SLC28A3: variants seen among roughly 807,000 people sequenced by gnomAD.
SLC28A3 encodes concentrative Na(+)-nucleoside cotransporter 3.
Under a neutral mutation model 84.2 loss-of-function variants are expected in SLC28A3, and 68 were observed. The observed-to-expected ratio is 0.81, with a 90% CI of 0.66 to 0.99. The LOEUF is 0.99. Ranked by LOEUF, SLC28A3 falls within the 50% of genes least tolerant of loss-of-function variation. The pLI, the probability that SLC28A3 is intolerant of heterozygous loss-of-function variation, is 0.00. For synonymous variants in SLC28A3, 267 were observed against 303.6 expected (o/e 0.88, Z 1.25); for missense variants, 712 against 841.5 (o/e 0.85, Z 1.90).
the SLC28A3 span, among the ~76,000 whole-genome samples, chr9:84,345,972 T>C: frequency 6.6e-6 from 1 of 152,206 alleles, no homozygotes; most frequent in Non-Finnish European, 1.5e-5. Flanking sequence ...ATGAAAGGCC[T>C]TTTCAGTTTT....
intron 15 of SLC28A3, 32 bp from the exon 16 acceptor site, chr9:84,280,105 A>C (rs777709492): frequency 6.3e-7 from 1 of 1,598,202 alleles, no homozygotes. Flanking sequence ...ATGTGAGATC[A>C]ATGTTGAAGT....
At chr9:84,285,867 G>A in intron 13 of SLC28A3, 76 bp downstream of exon 13, 1 of 1,491,776 alleles carries the variant, frequency 6.7e-7, no homozygotes, top group Non-Finnish European at 9.0e-7. Flanking sequence ...AGGGTGGGCT[G>A]TTTACAAACC....
the SLC28A3 span, among the ~76,000 whole-genome samples, chr9:84,360,002 CA>C: frequency 0.078 from 4,414 of 56,250 alleles, 67 homozygotes; most frequent in Admixed American, 0.11. Flanking sequence ...AACTCTGTCT[CA>C]AAAAAAAAAA....
rs184785803 is a variant in SLC28A3, at chr9:84,330,291, T to C, written c.60+10283A>G. On this transcript the variant is annotated intron_variant, in intron 1 of 17. Coordinates refer to ENST00000376238, the MANE Select transcript of SLC28A3 (RefSeq NM_001199633.2). ...AAAAGAGAGAAGACAAATAACTAAATTCATGAATGAAAGAGGAGATATTAC... is the reference window on the plus strand; with the variant it reads ...AAAAGAGAGAAGACAAATAACTAAACTCATGAATGAAAGAGGAGATATTAC... Among the ~76,000 whole-genome samples the C allele has an allele frequency of 3.1e-4, 47 of 152,292 alleles. 1 individual carries two copies. The East Asian group carries it at 8.7e-3, about 28-fold the overall frequency.
At chr9:84,280,772 T>C in intron 15 of SLC28A3, 29 bp downstream of exon 15, 1 of 1,608,844 alleles carries the variant, frequency 6.2e-7, no homozygotes, top group Non-Finnish European at 8.5e-7. Flanking sequence ...GGCACATCTG[T>C]GTTGTTGAAG....
chr9:84,317,684 A>G (rs191468954), intron 1 of SLC28A3, among the ~76,000 whole-genome samples: 394 of 152,244 alleles, frequency 2.6e-3, no homozygotes, highest in Non-Finnish European at 4.0e-3. Flanking sequence ...AAATTGCATG[A>G]GTGGTCTTGC....
At chr9:84,366,205 G>A in the SLC28A3 span, among the ~76,000 whole-genome samples, 1 of 152,026 alleles carries the variant, frequency 6.6e-6, no homozygotes, top group South Asian at 2.1e-4. Context: ...CAATATGCCA[G>A]TTGCATTTTT....
At chr9:84,346,484 T>A in the SLC28A3 span, among the ~76,000 whole-genome samples, 1 of 152,206 alleles carries the variant, frequency 6.6e-6, no homozygotes, top group South Asian at 2.1e-4. Flanking sequence ...CCTGTCTTCC[T>A]CCCTGAAGAA....
At chr9:84,286,349 G>A (rs1354703182) in intron 12 of SLC28A3, among the ~76,000 whole-genome samples, 1 of 151,664 alleles carries the variant, frequency 6.6e-6, no homozygotes, top group Non-Finnish European at 1.5e-5. Context: ...CTGGAGTAAA[G>A]TGGTGTGATC....
chr9:84,354,137 A>G, the SLC28A3 span, among the ~76,000 whole-genome samples: 16,416 of 152,192 alleles, frequency 0.11, 1,531 homozygotes, highest in East Asian at 0.27. Context: ...TGGCCACAGG[A>G]CATTTTCACT....
At chr9:84,362,659 TAATAAATA>T in the SLC28A3 span, among the ~76,000 whole-genome samples, 33,981 of 145,416 alleles carry the variant, frequency 0.23, 5,965 homozygotes, top group East Asian at 0.32. Context: ...ATAAATAAGT[TAATAAATA>T]AATAAATAAA....
chr9:84,313,554 C>G, intron 1 of SLC28A3, 100 bp from the exon 2 acceptor site: 7 of 906,554 alleles, frequency 7.7e-6, no homozygotes, highest in Non-Finnish European at 1.2e-5. Context: ...ATGAGACAAA[C>G]AAAGATTAGG....
intron 17 of SLC28A3, among the ~76,000 whole-genome samples, chr9:84,278,779 G>C (rs1824619157): frequency 6.6e-6 from 1 of 151,782 alleles, no homozygotes; most frequent in African/African-American, 2.4e-5. Flanking sequence ...AAGGGCATAG[G>C]CTTAGCAGGA....
chr9:84,323,107 T>C (rs987930100), intron 1 of SLC28A3, among the ~76,000 whole-genome samples: 1 of 152,160 alleles, frequency 6.6e-6, no homozygotes, highest in Non-Finnish European at 1.5e-5. Context: ...CATAAATGGA[T>C]TGCGGTATTT....
Position 84,290,258 on chromosome 9 carries a change from G to C in SLC28A3, c.1045C>G (p.Arg349Gly). Reference protein sequence around the residue: ...VGQTESPLLVRPYLPYITKSE... With the variant: ...VGQTESPLLVGPYLPYITKSE... ...TTGGTGATGTAAGGTAAATATGGTC[G>C]GACCAGCAGTGGAGACTCCGTCTGG... Residue 349 changes from arginine (R) to glycine (G), a missense_variant, in exon 11 of 18, where the codon CGA (arginine) becomes GGA (glycine). By Grantham distance (125) the Arg-to-Gly change is moderately radical. Coordinates refer to ENST00000376238, the MANE Select transcript of SLC28A3 (RefSeq NM_001199633.2). The C allele has an allele frequency of 6.2e-7, 1 of 1,613,922 alleles. No individual in the cohort carries two copies. Among genetic ancestry groups the C allele is most frequent in the Non-Finnish European group, 8.5e-7 (1 of 1,179,882 alleles).
intron 2 of SLC28A3, among the ~76,000 whole-genome samples, chr9:84,312,069 T>C (rs1343369254): frequency 1.3e-5 from 2 of 152,232 alleles, no homozygotes; most frequent in Non-Finnish European, 2.9e-5. Flanking sequence ...CATTTCTTTT[T>C]AGCGCTGAAA....
chr9:84,348,972 A>G, the SLC28A3 span, among the ~76,000 whole-genome samples: 1 of 148,996 alleles, frequency 6.7e-6, no homozygotes, highest in African/African-American at 2.5e-5. Flanking sequence ...CAGTGGGGCG[A>G]TCTCGGCTCA....
chr9:84,283,354 ATCTCTG>A (rs1319348552), intron 14 of SLC28A3, among the ~76,000 whole-genome samples: 3 of 152,262 alleles, frequency 2.0e-5, no homozygotes, highest in Non-Finnish European at 4.4e-5. Context: ...AACACTATCT[ATCTCTG>A]ATAGTGAAAA....
chr9:84,366,321 T>G, the SLC28A3 span, among the ~76,000 whole-genome samples: 1 of 152,170 alleles, frequency 6.6e-6, no homozygotes, highest in Non-Finnish European at 1.5e-5. Flanking sequence ...TTTAGTTTCC[T>G]CAACACAGCT....
Sources: gnomAD v4.1 joint callset for allele counts (sites outside exome capture counted in the v4.1 genomes callset) on GRCh38, gnomAD v4.1.1 for gene constraint, MANE v1.5 for transcripts, NCBI Gene and HGNC (gene_info 2026-07-23, HGNC 2026-07-21) for gene names.